TSHZ3: variants seen among roughly 807,000 people sequenced by gnomAD.
TSHZ3 encodes teashirt homolog 3.
In TSHZ3, 10 loss-of-function variants were observed where a neutral mutation model predicts 64.5. The observed-to-expected ratio is 0.16, with a 90% CI of 0.10 to 0.26. The LOEUF is 0.26. TSHZ3 is among the 10% of genes least tolerant of loss of function. TSHZ3 has a pLI of 1.00. For missense variants in TSHZ3, 1,242 were observed against 1,421.7 expected, an observed-to-expected ratio of 0.87 and a Z score of 2.03; for synonymous variants, 608 against 593.1, an observed-to-expected ratio of 1.03 and a Z score of -0.36.
intron 5 of TSHZ3, among the ~76,000 whole-genome samples, chr19:31,168,577 G>A (rs771544541): frequency 9.2e-5 from 14 of 152,202 alleles, no homozygotes; most frequent in African/African-American, 2.7e-4. Context: ...AGATTGAAGC[G>A]TATTATCATG....
chr19:31,171,500 T>A (rs1180425330), intron 5 of TSHZ3, among the ~76,000 whole-genome samples: 1 of 151,966 alleles, frequency 6.6e-6, no homozygotes, highest in Non-Finnish European at 1.5e-5. Flanking sequence ...GATGTGGTGA[T>A]ACTATCTAGA....
chr19:31,163,481 C>T (rs1974397454), intron 5 of TSHZ3, among the ~76,000 whole-genome samples: 1 of 152,120 alleles, frequency 6.6e-6, no homozygotes, highest in Admixed American at 6.5e-5. Flanking sequence ...CCTGTAATCC[C>T]AGCACTTTGG....
At chr19:31,333,192 G>T (rs1478198534) in intron 1 of TSHZ3, among the ~76,000 whole-genome samples, 1 of 152,026 alleles carries the variant, frequency 6.6e-6, no homozygotes, top group Non-Finnish European at 1.5e-5. Flanking sequence ...CTGGGAGTTG[G>T]GGCCTCAGAG....
chr19:31,196,962 A>G (rs1414267912), intron 5 of TSHZ3, among the ~76,000 whole-genome samples: 1 of 152,018 alleles, frequency 6.6e-6, no homozygotes, highest in Non-Finnish European at 1.5e-5. Context: ...TCAACTGTAT[A>G]TAATTAATAT....
chr19:31,286,499 C>G (rs1047400847), intron 1 of TSHZ3, among the ~76,000 whole-genome samples: 2 of 152,226 alleles, frequency 1.3e-5, no homozygotes, highest in Non-Finnish European at 1.5e-5. Context: ...GTGGAAAAAT[C>G]ATCTCCATTT....
chr19:31,307,625 G>A lies in TSHZ3; in HGVS notation c.41-27873C>T, dbSNP rs185428956. The stretch of plus-strand genomic sequence containing the variant: ...CTCCACTTCTGATTGTGGGTCAGTC[G>A]TACACAAACAAAGCCTTAACAGAAA... On this transcript the variant is annotated intron_variant, in intron 1 of 1. Coordinates refer to ENST00000240587, the MANE Select transcript of TSHZ3 (RefSeq NM_020856.4). 3.8e-3 allele frequency among the ~76,000 whole-genome samples: 578 copies of A among 152,238 alleles called. 2 individuals are homozygous for A. The highest frequency in any genetic ancestry group is 0.01 in the Middle Eastern group (3 of 294).
Position 31,173,748 on chromosome 19 carries a change from C to G in TSHZ3, n.810-17331G>C, listed in dbSNP as rs186287119. 2.6e-3 allele frequency among the ~76,000 whole-genome samples: 391 copies of G among 152,290 alleles called. 2 individuals carry two copies. The highest frequency in any genetic ancestry group is 0.01 in the Middle Eastern group (3 of 294). ...TCCTGTTGTATTAGTCAAGGTTTTC[C>G]AGAGAAACTGAACCAACAGGATACA... On this transcript the variant is annotated intron_variant and non_coding_transcript_variant, in intron 5 of 6. Transcript: ENST00000651361.
Position 31,277,349 on chromosome 19 carries a change from G to T in TSHZ3, c.2444C>A (p.Pro815Gln), listed in dbSNP as rs766793830. ...TGTCACCGTGGATGAGGAGGTTGCCGGGGCTGTGGACGTGGGTGACAGAAG... is the reference window on the plus strand; with the variant it reads ...TGTCACCGTGGATGAGGAGGTTGCCTGGGCTGTGGACGTGGGTGACAGAAG... ...SVLLSPTSTA[P>Q]ATSSSTVTTA... The change falls in exon 2 of 2, where the codon CCG becomes CAG. Residue 815 changes from proline to glutamine, a missense_variant. Pro to Gln is a moderately conservative substitution (Grantham distance 76). Around this residue, in one of 4 missense-constraint regions of TSHZ3, gnomAD observed 550 missense variants for 545.1 expected, o/e 1.01. Transcript: ENST00000240587. The surrounding 1 kb of genome is among the most constrained non-coding windows in gnomAD (Gnocchi z 4.5). 1 of 1,613,948 alleles carries T rather than the reference G, an allele frequency of 6.2e-7. No homozygotes were observed. The highest frequency in any genetic ancestry group is 1.7e-5 in the Admixed American group (1 of 60,020).
chr19:31,282,530 C>A (rs1845485998), intron 1 of TSHZ3, among the ~76,000 whole-genome samples: 1 of 152,090 alleles, frequency 6.6e-6, no homozygotes, highest in Admixed American at 6.5e-5. Context: ...AGGGGCAATG[C>A]ATCTCCCCAT....
At chr19:31,271,200 C>T (rs2145205857), downstream of TSHZ3, among the ~76,000 whole-genome samples, 1 of 152,232 alleles carries the variant, frequency 6.6e-6, no homozygotes, top group Non-Finnish European at 1.5e-5. Flanking sequence ...CTGAATCATC[C>T]AGCGCTTTGG....
Position 31,275,674 on chromosome 19 carries a change from T to C in TSHZ3, c.*873A>G, listed in dbSNP as rs1976216424. On this transcript the variant is annotated 3_prime_UTR_variant, in exon 2 of 2. Transcript: ENST00000240587. ...TGAACCTCTATCAATATAGATGTAC[T>C]GTATAGCAAAACAAACTATCATACT... is the stretch of plus-strand genomic sequence containing the variant. 6.6e-6 allele frequency: 1 copy of C among 152,660 alleles called. No individual in the cohort carries two copies. The highest frequency in any genetic ancestry group is 1.5e-5 in the Non-Finnish European group (1 of 68,048). The allele number at this position is 152,660 out of a possible 1,614,324, so 9.5% of individuals were successfully genotyped here.
chr19:31,179,980 T>C, intron 5 of TSHZ3, among the ~76,000 whole-genome samples: 1 of 152,054 alleles, frequency 6.6e-6, no homozygotes, highest in Middle Eastern at 3.2e-3. Context: ...ATTTGGGAGA[T>C]CTACATACAG....
chr19:31,306,059 C>G (rs931787662), intron 1 of TSHZ3, among the ~76,000 whole-genome samples: 1 of 152,222 alleles, frequency 6.6e-6, no homozygotes, highest in Non-Finnish European at 1.5e-5. Context: ...AGGGGGTAGG[C>G]GCTTTTTTGG....
intron 1 of TSHZ3, among the ~76,000 whole-genome samples, chr19:31,341,694 A>G (rs569576442): frequency 6.7e-6 from 1 of 148,798 alleles, no homozygotes; most frequent in Non-Finnish European, 1.5e-5. Flanking sequence ...GTCCCACACC[A>G]TAAGAAAACC....
At chr19:31,164,734 A>C (rs1198952222) in intron 5 of TSHZ3, among the ~76,000 whole-genome samples, 1 of 152,146 alleles carries the variant, frequency 6.6e-6, no homozygotes, top group Non-Finnish European at 1.5e-5. Context: ...CTGTTCCAGC[A>C]GCTCTCCCCG....
Position 31,279,587 on chromosome 19 carries a change from C to A in TSHZ3, c.206G>T (p.Cys69Phe). Residue 69 changes from cysteine to phenylalanine, a missense_variant, in exon 2 of 2, where the codon TGC (cysteine) becomes TTC (phenylalanine). Coordinates refer to ENST00000240587, the MANE Select transcript of TSHZ3 (RefSeq NM_020856.4). The surrounding 1 kb of genome is among the most constrained non-coding windows in gnomAD (Gnocchi z 6.4). ...YQNSPAAEFS[C>F]HEMDSESHIS... ...GTGTGACTCGCTGTCCATTTCATGG[C>A]AGGAAAACTCGGCGGCCGGGGAGTT... The A allele has an allele frequency of 6.2e-7, 1 of 1,611,458 alleles. No homozygotes were observed. Among genetic ancestry groups the A allele is most frequent in the Non-Finnish European group, 8.5e-7 (1 of 1,178,340 alleles).
intron 5 of TSHZ3, among the ~76,000 whole-genome samples, chr19:31,184,040 G>A (rs921331034): frequency 2.0e-5 from 3 of 151,998 alleles, no homozygotes; most frequent in African/African-American, 4.8e-5. Flanking sequence ...AGAACGTGAC[G>A]ATATTATGAC....
chr19:31,320,864 T>C (rs531407765), intron 1 of TSHZ3, among the ~76,000 whole-genome samples: 3 of 152,294 alleles, frequency 2.0e-5, no homozygotes, highest in South Asian at 4.1e-4. Context: ...AGGATGTCAC[T>C]GAGTCCTGCG....
rs78679416 is a variant in TSHZ3 at position 31,197,661 on chromosome 19, G to A, written n.809+7295C>T. On this transcript the variant is annotated intron_variant and non_coding_transcript_variant, in intron 5 of 6. Transcript: ENST00000651361. ...CCATGGACATTCAAAGCATAATAAAGAATGATTATAAGCAATCTATGTCCA... is the reference window on the plus strand; with the variant it reads ...CCATGGACATTCAAAGCATAATAAAAAATGATTATAAGCAATCTATGTCCA... 9.1e-3 allele frequency among the ~76,000 whole-genome samples: 1,375 copies of A among 151,896 alleles called. 21 individuals carry two copies. The highest frequency in any genetic ancestry group is 0.031 in the African/African-American group (1,272 of 41,502).
Sources: allele counts gnomAD v4.1 joint callset (sites outside exome capture counted in the v4.1 genomes callset), GRCh38; gene constraint gnomAD v4.1.1; regional missense constraint gnomAD v4.1.1; non-coding constraint Gnocchi (gnomAD v3.1); transcripts MANE v1.5; gene names NCBI Gene and HGNC (gene_info 2026-07-23, HGNC 2026-07-21).